The following RASGRF1 variants were observed in gnomAD, a reference collection of about 807,000 sequenced individuals.
RASGRF1 encodes Ras protein specific guanine nucleotide releasing factor 1, also known as ras-specific guanine nucleotide-releasing factor 1.
In RASGRF1, 40 loss-of-function variants were observed where a neutral mutation model predicts 138.7. That is an observed-to-expected ratio of 0.29 (90% CI 0.22 to 0.38). The LOEUF (loss-of-function observed/expected upper bound fraction) is 0.38, where lower values mean the gene tolerates loss of function less well. Among genes scored for constraint, RASGRF1 ranks in the 10% least tolerant of loss-of-function variants. The probability of loss-of-function intolerance (pLI) is 1.00; values close to 1 mark genes in which losing one functional copy is unlikely to be tolerated. For synonymous variants in RASGRF1, 614 were observed against 663.2 expected, an observed-to-expected ratio of 0.93 and a Z score of 1.14; for missense variants, 1,108 against 1,650.4, an observed-to-expected ratio of 0.67 and a Z score of 5.69.
chr15:79,006,558 C>G lies in RASGRF1; in HGVS notation c.1827-124G>C. On this transcript the variant is annotated intron_variant, in intron 13 of 26. Coordinates refer to ENST00000558480, the MANE Select transcript of RASGRF1 (RefSeq NM_001145648.3). The surrounding 1 kb of genome is among the most constrained non-coding windows in gnomAD (Gnocchi z 4.0). ...ACACAGGATGGTCTTATTAAGAGAA[C>G]AAGCTTGGGAAGGATGACACTGAAG... 8.2e-7 allele frequency: 1 copy of G among 1,226,466 alleles called. No homozygotes were observed. Among genetic ancestry groups the G allele is most frequent in the South Asian group, 1.6e-5 (1 of 64,166 alleles). The allele number at this position is 1,226,466 out of a possible 1,614,324, so 76.0% of individuals were successfully genotyped here.
Position 78,962,218 on chromosome 15 carries a change from C to T in RASGRF1, c.3700G>A (p.Asp1234Asn). ...TCTTCATCCATTACAAAAGATTGGTCCAGTAAATATTGCGTTACCTGAGAA... is the reference window on the plus strand; with the variant it reads ...TCTTCATCCATTACAAAAGATTGGTTCAGTAAATATTGCGTTACCTGAGAA... Reference protein sequence around the residue: ...HQAKVTQYLLDQSFVMDEESL... With the variant: ...HQAKVTQYLLNQSFVMDEESL... The change falls in exon 27 of 27, where the codon GAC becomes AAC. Residue 1234 changes from aspartate to asparagine, a missense_variant. Around this residue, in one of 3 missense-constraint regions of RASGRF1, gnomAD observed 686 missense variants for 976.7 expected, o/e 0.70. Coordinates refer to ENST00000558480, the MANE Select transcript of RASGRF1 (RefSeq NM_001145648.3). 1.3e-6 allele frequency: 2 copies of T among 1,575,692 alleles called. No homozygotes were observed. Among genetic ancestry groups the T allele is most frequent in the Non-Finnish European group, 8.7e-7 (1 of 1,154,180 alleles).
chr15:79,014,016 A>C (rs2056840066), intron 13 of RASGRF1, among the ~76,000 whole-genome samples: 1 of 152,258 alleles, frequency 6.6e-6, no homozygotes, highest in Non-Finnish European at 1.5e-5. Context: ...GAAATAATCC[A>C]CATGTACAAA....
At chr15:78,987,229 G>A (rs1264051842) in intron 22 of RASGRF1, among the ~76,000 whole-genome samples, 4 of 152,036 alleles carry the variant, frequency 2.6e-5, no homozygotes, top group Non-Finnish European at 5.9e-5. Context: ...GAGCAAGGGA[G>A]AAAAACCATA....
rs1294643788 is a variant in RASGRF1 at position 79,032,050 on chromosome 15, C to T, written c.1152+73G>A. 8.6e-6 allele frequency: 13 copies of T among 1,505,450 alleles called. No individual in the cohort carries two copies. In the Admixed American group the frequency reaches 1.8e-4, roughly 20 times the overall value. 93.3% of individuals were successfully genotyped at this position (1,505,450 alleles called of 1,614,324 possible). The stretch of plus-strand genomic sequence containing the variant: ...GAGCTGGGGTGCGTTAAGCACTGTG[C>T]CCCCACCGCCATGGTCCATCCCCCA... On this transcript the variant is annotated intron_variant, in intron 7 of 26. Transcript: ENST00000558480. This position sits in a 1 kb window ranked among gnomAD's most constrained non-coding sequence, Gnocchi z 4.5.
chr15:79,075,113 G>A (rs1049573643), intron 1 of RASGRF1, among the ~76,000 whole-genome samples: 27 of 152,174 alleles, frequency 1.8e-4, no homozygotes, highest in Admixed American at 4.6e-4. Context: ...GGAGTTTGAC[G>A]TAGCATCCCC....
At chr15:79,070,191 G>A (rs532780896) in intron 1 of RASGRF1, among the ~76,000 whole-genome samples, 2 of 152,302 alleles carry the variant, frequency 1.3e-5, no homozygotes, top group East Asian at 1.9e-4. Flanking sequence ...TGTGTGTCCC[G>A]TTGATCTTCT....
rs1401699249 is a variant in RASGRF1, at chr15:79,025,318, G to C, written c.1538C>G (p.Thr513Ser). The change falls in exon 10 of 27, where the codon ACC becomes AGC. Residue 513 changes from threonine (T) to serine (S), a missense_variant. Thr to Ser is a moderately conservative substitution (Grantham distance 58). Around this residue, in one of 3 missense-constraint regions of RASGRF1, gnomAD observed 686 missense variants for 976.7 expected, o/e 0.70. Transcript: ENST00000558480. ...CCCCTCTCCCGTAGCCCTTACCTTG[G>C]TCAAGTGAAGCTTCCCTCCAGAGCC... Reference protein sequence around the residue: ...TRGSGGKLHLTKNGVISLIDC... With the variant: ...TRGSGGKLHLSKNGVISLIDC... 6.2e-7 allele frequency: 1 copy of C among 1,607,978 alleles called. No homozygotes were observed. The highest frequency in any genetic ancestry group is 2.2e-5 in the East Asian group (1 of 44,698).
chr15:79,037,274 C>G (rs1391702025), intron 5 of RASGRF1, among the ~76,000 whole-genome samples: 1 of 151,752 alleles, frequency 6.6e-6, no homozygotes, highest in African/African-American at 2.4e-5. Flanking sequence ...AGGGGACTCT[C>G]AGGGGTTCTT....
Position 78,973,576 on chromosome 15 carries a change from C to T in RASGRF1, c.3495-156G>A, listed in dbSNP as rs1051094277. ...ACACTCTAGAACTGACTATTCTACA[C>T]GCCCAGGACTGTCGGCTGGGTCTCA... On this transcript the variant is annotated intron_variant, in intron 24 of 26. Transcript: ENST00000558480. The surrounding 1 kb of genome is among the most constrained non-coding windows in gnomAD (Gnocchi z 4.9). Among the ~76,000 whole-genome samples, 10 of 152,188 alleles carry T rather than the reference C, an allele frequency of 6.6e-5. No individual in the cohort carries two copies. The highest frequency in any genetic ancestry group is 4.1e-4 in the South Asian group (2 of 4,826).
intron 5 of RASGRF1, among the ~76,000 whole-genome samples, chr15:79,041,896 T>C (rs2057302130): frequency 6.6e-6 from 1 of 152,164 alleles, no homozygotes; most frequent in African/African-American, 2.4e-5. Flanking sequence ...CTGAACCTCA[T>C]CATTCCCTCA....
At position 79,025,296 on chromosome 15, in the gene RASGRF1, C is replaced by G; in HGVS notation, c.1542+18G>C. On this transcript the variant is annotated intron_variant, in intron 10 of 26. Coordinates refer to ENST00000558480, the MANE Select transcript of RASGRF1 (RefSeq NM_001145648.3). ...CCCTAGCTGGGCAGCCCCCAAGCCC[C>G]TCTCCCGTAGCCCTTACCTTGGTCA... The G allele has an allele frequency of 3.8e-6, 6 of 1,579,982 alleles. No individual in the cohort carries two copies. Among genetic ancestry groups the G allele is most frequent in the Non-Finnish European group, 5.2e-6 (6 of 1,158,816 alleles).
intron 22 of RASGRF1, 88 bp from the exon 23 acceptor site, chr15:78,985,292 G>A: frequency 7.7e-7 from 1 of 1,303,502 alleles, no homozygotes; most frequent in Non-Finnish European, 1.1e-6. Flanking sequence ...ATGATTGCCT[G>A]CTTGAAAATA....
At chr15:78,982,325 G>A (rs145230629) in intron 23 of RASGRF1, among the ~76,000 whole-genome samples, 165 of 152,308 alleles carry the variant, frequency 1.1e-3, no homozygotes, top group African/African-American at 3.9e-3. Context: ...GGCTGGGCAC[G>A]TTTTTAACTT....
Position 79,032,229 on chromosome 15 carries a change from TGG to T in RASGRF1, c.1044_1045del (p.His349LeufsTer6). ...GTCGAAGTCACGGTTCTGCTTGCAG[TGG>T]GCCAGGATCTGCAGGCTGTACTGGT... On this transcript the variant is annotated frameshift_variant, in exon 7 of 27. Coordinates refer to ENST00000558480, the MANE Select transcript of RASGRF1 (RefSeq NM_001145648.3). LOFTEE classifies it high-confidence loss of function. This position sits in a 1 kb window ranked among gnomAD's most constrained non-coding sequence, Gnocchi z 4.5. 1 of 1,614,048 alleles carries T rather than the reference TGG, an allele frequency of 6.2e-7. No individual in the cohort carries two copies. Among genetic ancestry groups the T allele is most frequent in the Non-Finnish European group, 8.5e-7 (1 of 1,179,964 alleles).
chr15:79,005,813 CCCT>C (rs996655323), intron 14 of RASGRF1: 2 of 273,738 alleles, frequency 7.3e-6, no homozygotes, highest in Non-Finnish European at 1.1e-5. Context: ...GTCCTCCTTC[CCCT>C]CCTCATTTCC....
chr15:79,087,272 T>C (rs553765845), intron 1 of RASGRF1, among the ~76,000 whole-genome samples: 61 of 152,292 alleles, frequency 4.0e-4, no homozygotes, highest in Non-Finnish European at 8.1e-4. Flanking sequence ...AGCTTCTAGG[T>C]TGAGGACATA....
intron 20 of RASGRF1, among the ~76,000 whole-genome samples, chr15:78,994,839 A>G (rs990566706): frequency 6.6e-6 from 1 of 151,984 alleles, no homozygotes; most frequent in South Asian, 2.1e-4. Flanking sequence ...CTCTGGAGTC[A>G]GCCAGACCTG....
chr15:79,007,897 T>C, intron 13 of RASGRF1, among the ~76,000 whole-genome samples: 1 of 149,888 alleles, frequency 6.7e-6, no homozygotes, highest in Admixed American at 6.7e-5. Flanking sequence ...TGAGATGGAG[T>C]CTTGCTCTGT....
At position 79,012,439 on chromosome 15, in the gene RASGRF1, T is replaced by A. The variant is rs1477759771; in HGVS notation, c.1826+2888A>T. ...ACTGCTTTCTAATAATCTCTCTATG[T>A]CTCTCTCTCTCTCACTAAACGATGA... On this transcript the variant is annotated intron_variant, in intron 13 of 26. Coordinates refer to ENST00000558480, the MANE Select transcript of RASGRF1 (RefSeq NM_001145648.3). 4 of 1,033,950 alleles carry A rather than the reference T, an allele frequency of 3.9e-6. No individual in the cohort carries two copies. The East Asian group carries it at 8.5e-5, about 22-fold the overall frequency. 64.0% of individuals were successfully genotyped at this position (1,033,950 alleles called of 1,614,324 possible). A position where few individuals can be genotyped will look rare whatever the true frequency, so the allele number is the denominator to read the frequency against.
Sources: gnomAD v4.1 joint callset for allele counts (sites outside exome capture counted in the v4.1 genomes callset) on GRCh38, gnomAD v4.1.1 for gene constraint, gnomAD v4.1.1 regional missense constraint, Gnocchi (gnomAD v3.1) non-coding constraint, MANE v1.5 for transcripts, NCBI Gene and HGNC (gene_info 2026-07-23, HGNC 2026-07-21) for gene names.